TRDN: variants seen among roughly 807,000 people sequenced by gnomAD.
TRDN encodes triadin, also known as triadin in skeletal muscle.
A neutral mutation model predicts 149.7 loss-of-function variants in TRDN; 161 were observed. The observed-to-expected ratio is 1.08, with a 90% CI of 0.95 to 1.23. The LOEUF is 1.23. TRDN is among the 50% of genes most tolerant of loss of function. TRDN has a pLI of 0.00. For missense variants in TRDN, 896 were observed against 823.5 expected (o/e 1.09, Z -1.08); for synonymous variants, 294 against 250.5 (o/e 1.17, Z -1.64).
At chr6:123,322,420 G>A (rs1779274535) in intron 23 of TRDN, among the ~76,000 whole-genome samples, 1 of 151,916 alleles carries the variant, frequency 6.6e-6, no homozygotes, top group Non-Finnish European at 1.5e-5. Context: ...CTTTTGAAAT[G>A]GAAACATTAT....
Position 123,316,449 on chromosome 6 carries a change from A to T in TRDN, c.1510+8T>A, listed in dbSNP as rs1359193710. On this transcript the variant is annotated splice_region_variant and intron_variant, in intron 24 of 40. Transcript: ENST00000334268. ...TCCTTGTATGTAAATCTTACAAAAT[A>T]TCCTTACCTGCTTTGGACATCTTTT... The T allele has an allele frequency of 6.2e-7, 1 of 1,609,792 alleles. No homozygotes were observed. The highest frequency in any genetic ancestry group is 1.3e-5 in the African/African-American group (1 of 74,720).
intron 1 of TRDN, among the ~76,000 whole-genome samples, chr6:123,631,918 G>A (rs952420787): frequency 2.6e-5 from 4 of 151,980 alleles, no homozygotes; most frequent in African/African-American, 7.2e-5. Context: ...ATATTTGAAT[G>A]TGTATCTCCA....
chr6:123,249,363 A>C (rs1776297619), intron 38 of TRDN, among the ~76,000 whole-genome samples: 1 of 152,144 alleles, frequency 6.6e-6, no homozygotes, highest in Non-Finnish European at 1.5e-5. Flanking sequence ...CCTATGGAAA[A>C]CATTATGGAG....
chr6:123,268,184 A>G (rs1050560718), intron 31 of TRDN, among the ~76,000 whole-genome samples: 7 of 152,024 alleles, frequency 4.6e-5, no homozygotes, highest in Non-Finnish European at 1.0e-4. Flanking sequence ...AGTTAGAAGC[A>G]ATGCACTGCT....
At chr6:123,278,195 TA>T in intron 26 of TRDN, 122 bp downstream of exon 26, 1 of 653,626 alleles carries the variant, frequency 1.5e-6, no homozygotes, top group African/African-American at 2.0e-5. Context: ...AGTTTTTTTT[TA>T]AGTTGGTCAA....
chr6:123,528,969 T>C (rs1780081445), intron 5 of TRDN: 2 of 1,237,806 alleles, frequency 1.6e-6, no homozygotes, highest in Non-Finnish European at 1.0e-6. Context: ...GAGAAATTTA[T>C]TTTAGACTTC....
At chr6:123,536,734 A>AAAT (rs1440749217) in intron 4 of TRDN, among the ~76,000 whole-genome samples, 8 of 110,334 alleles carry the variant, frequency 7.3e-5, no homozygotes, top group South Asian at 3.3e-4. Context: ...AATAAATAAA[A>AAAT]ATGAGCTGGG....
intron 12 of TRDN, among the ~76,000 whole-genome samples, chr6:123,409,668 A>C (rs1405004906): frequency 6.7e-6 from 1 of 148,336 alleles, no homozygotes; most frequent in Non-Finnish European, 1.5e-5. Context: ...TTGCTCTGTC[A>C]GTTAAAACAG....
At chr6:123,507,950 G>A (rs967416340) in intron 7 of TRDN, among the ~76,000 whole-genome samples, 2 of 150,916 alleles carry the variant, frequency 1.3e-5, no homozygotes, top group African/African-American at 4.9e-5. Context: ...ATAAAGAACT[G>A]CAAACTGCTT....
chr6:123,220,853 T>C (rs779924209), intron 40 of TRDN, among the ~76,000 whole-genome samples: 2 of 151,824 alleles, frequency 1.3e-5, no homozygotes, highest in African/African-American at 2.4e-5. Flanking sequence ...TCCTTTATTC[T>C]GTTCTGCAAT....
intron 5 of TRDN, among the ~76,000 whole-genome samples, chr6:123,522,746 T>C (rs1036214582): frequency 6.6e-6 from 1 of 152,168 alleles, no homozygotes; most frequent in Non-Finnish European, 1.5e-5. Flanking sequence ...TGCAAAGTTG[T>C]CTGTAGGAAT....
At chr6:123,359,686 ATTTGTTTG>A (rs556540709) in intron 20 of TRDN, among the ~76,000 whole-genome samples, 9 of 151,536 alleles carry the variant, frequency 5.9e-5, no homozygotes, top group Non-Finnish European at 1.0e-4. Flanking sequence ...TGTGAAGGGG[ATTTGTTTG>A]TTTGTTTGTT....
intron 7 of TRDN, among the ~76,000 whole-genome samples, chr6:123,508,242 A>G (rs960184246): frequency 1.3e-5 from 2 of 152,306 alleles, no homozygotes; most frequent in Middle Eastern, 3.4e-3. Flanking sequence ...AAAGCCATTT[A>G]TCAAAGATGG....
chr6:123,511,314 A>G (rs940885334), intron 7 of TRDN, among the ~76,000 whole-genome samples: 3 of 152,118 alleles, frequency 2.0e-5, no homozygotes, highest in Non-Finnish European at 2.9e-5. Context: ...TATATTTTAA[A>G]ATAACTAGAG....
intron 14 of TRDN, 40 bp from the exon 15 acceptor site, chr6:123,382,187 A>G (rs1308343701): frequency 7.2e-7 from 1 of 1,379,402 alleles, no homozygotes; most frequent in Non-Finnish European, 9.8e-7. Context: ...AACAGATACA[A>G]TAAATCAACA....
At chr6:123,333,381 A>G (rs1170646931) in intron 22 of TRDN, among the ~76,000 whole-genome samples, 3 of 152,098 alleles carry the variant, frequency 2.0e-5, no homozygotes, top group Non-Finnish European at 4.4e-5. Context: ...TAGTGGAGAG[A>G]GAAGGAAAGG....
intron 4 of TRDN, among the ~76,000 whole-genome samples, chr6:123,545,143 A>G (rs1222674505): frequency 6.6e-6 from 1 of 152,016 alleles, no homozygotes; most frequent in Non-Finnish European, 1.5e-5. Flanking sequence ...ATTATTGAAT[A>G]TATATGAATT....
intron 10 of TRDN, among the ~76,000 whole-genome samples, chr6:123,453,408 A>G (rs1257814160): frequency 2.6e-5 from 4 of 152,178 alleles, no homozygotes; most frequent in Non-Finnish European, 5.9e-5. Flanking sequence ...ACAAGACAGT[A>G]AGAAAAAAAA....
intron 1 of TRDN, among the ~76,000 whole-genome samples, chr6:123,596,135 A>G (rs113369710): frequency 1.3e-5 from 2 of 152,112 alleles, no homozygotes; most frequent in Non-Finnish European, 2.9e-5. Context: ...CCTGGTGAGG[A>G]CATAAATGAT....
Sources: allele counts gnomAD v4.1 joint callset (sites outside exome capture counted in the v4.1 genomes callset), GRCh38; gene constraint gnomAD v4.1.1; transcripts MANE v1.5; gene names NCBI Gene and HGNC (gene_info 2026-07-23, HGNC 2026-07-21).